Variants in FRMPD1 observed in about 807,000 individuals in gnomAD.
FRMPD1 encodes FERM and PDZ domain-containing protein 1.
Under a neutral mutation model 117.8 loss-of-function variants are expected in FRMPD1, and 76 were observed. That is an observed-to-expected ratio of 0.65 (90% CI 0.54 to 0.78). The LOEUF (loss-of-function observed/expected upper bound fraction) is 0.78. Ranked by LOEUF, FRMPD1 falls within the 30% of genes least tolerant of loss-of-function variation. The pLI, the probability that FRMPD1 is intolerant of heterozygous loss-of-function variation, is 0.00. For missense variants in FRMPD1, 1,786 were observed against 1,964.5 expected (o/e 0.91, Z 1.72); for synonymous variants, 783 against 770.4 (o/e 1.02, Z -0.27).
intron 1 of FRMPD1, among the ~76,000 whole-genome samples, chr9:37,691,052 C>A (rs1038913179): frequency 2.0e-5 from 3 of 152,220 alleles, no homozygotes; most frequent in African/African-American, 7.2e-5. Flanking sequence ...ACATGAACTT[C>A]AGGAACACAT....
chr9:37,711,170 C>T (rs188391407), intron 4 of FRMPD1, among the ~76,000 whole-genome samples, 180 bp from the exon 5 acceptor site: 2 of 152,208 alleles, frequency 1.3e-5, no homozygotes, highest in East Asian at 3.9e-4. Flanking sequence ...CAGGTTGCTG[C>T]ATTTCCCAAT....
At chr9:37,721,102 G>C (rs373481769) in intron 6 of FRMPD1, among the ~76,000 whole-genome samples, 19 of 152,208 alleles carry the variant, frequency 1.2e-4, no homozygotes, top group African/African-American at 4.3e-4. Flanking sequence ...ACTTTCACCT[G>C]AACTGGCTAC....
chr9:37,697,705 T>C (rs917039971), intron 2 of FRMPD1, among the ~76,000 whole-genome samples: 5 of 152,272 alleles, frequency 3.3e-5, no homozygotes, highest in African/African-American at 1.2e-4. Context: ...CATCATAAAC[T>C]AATTAATTTT....
chr9:37,652,195 G>A (rs559488181), intron 1 of FRMPD1, among the ~76,000 whole-genome samples: 30 of 152,292 alleles, frequency 2.0e-4, no homozygotes, highest in Admixed American at 1.0e-3. Flanking sequence ...TAGGGGTCCT[G>A]ACCTAGAGGC....
chr9:37,684,424 T>C (rs1251643913), intron 1 of FRMPD1, among the ~76,000 whole-genome samples: 1 of 152,254 alleles, frequency 6.6e-6, no homozygotes, highest in East Asian at 1.9e-4. Context: ...AGCATAGTTG[T>C]GTTACTGATA....
At chr9:37,741,046 G>T in intron 15 of FRMPD1, 162 bp downstream of exon 15, 1 of 622,372 alleles carries the variant, frequency 1.6e-6, no homozygotes, top group Non-Finnish European at 2.9e-6. Flanking sequence ...CAAATTTTAG[G>T]CATCGTGGCA....
At chr9:37,683,715 G>C (rs1486725266) in intron 1 of FRMPD1, among the ~76,000 whole-genome samples, 7 of 151,492 alleles carry the variant, frequency 4.6e-5, no homozygotes, top group African/African-American at 1.7e-4. Context: ...AGGCTTTGGG[G>C]GGAATGACAG....
chr9:37,681,855 C>A (rs1302451083), intron 1 of FRMPD1, among the ~76,000 whole-genome samples: 1 of 152,150 alleles, frequency 6.6e-6, no homozygotes, highest in African/African-American at 2.4e-5. Flanking sequence ...ATCTGAGGGA[C>A]AGAAAACAAG....
At chr9:37,726,123 A>G (rs560108006) in intron 7 of FRMPD1, among the ~76,000 whole-genome samples, 124 of 152,326 alleles carry the variant, frequency 8.1e-4, no homozygotes, top group Non-Finnish European at 1.1e-3. Flanking sequence ...GGTTAATCTT[A>G]TTTATCTGTA....
intron 2 of FRMPD1, among the ~76,000 whole-genome samples, chr9:37,694,121 T>C (rs1822241737): frequency 6.6e-6 from 1 of 152,180 alleles, no homozygotes; most frequent in African/African-American, 2.4e-5. Flanking sequence ...TAGTGCCTGA[T>C]GAATGAATGG....
intron 1 of FRMPD1, among the ~76,000 whole-genome samples, chr9:37,685,888 A>G (rs1186463755): frequency 2.6e-5 from 4 of 152,316 alleles, no homozygotes; most frequent in South Asian, 2.1e-4. Context: ...TCATTTCTCA[A>G]TAGCTTGTGC....
chr9:37,722,865 T>C (rs1438290660), intron 6 of FRMPD1, among the ~76,000 whole-genome samples: 2 of 152,170 alleles, frequency 1.3e-5, no homozygotes, highest in Non-Finnish European at 2.9e-5. Context: ...GCCATGCTGG[T>C]GTGCTGCACC....
chr9:37,682,426 G>A (rs1821761149), intron 1 of FRMPD1, among the ~76,000 whole-genome samples: 1 of 152,222 alleles, frequency 6.6e-6, no homozygotes, highest in Non-Finnish European at 1.5e-5. Context: ...GGGATCCCTG[G>A]AAGACTTAAG....
At position 37,733,573 on chromosome 9, in the gene FRMPD1, C is replaced by G. The variant is rs1823987838; in HGVS notation, c.1096C>G (p.Gln366Glu). 2.0e-5 allele frequency: 32 copies of G among 1,613,842 alleles called. No homozygotes were observed. Among genetic ancestry groups the G allele is most frequent in the Non-Finnish European group, 2.7e-5 (32 of 1,179,926 alleles). ...KAISFHMKRN[Q>E]NLLEPRQKQL... is the part of the protein sequence containing the mutation. ...CATTAGCTTCCACATGAAGAGGAACCAGAATTTGCTGGAACCCCGACAGAA... is the reference window on the plus strand; with the variant it reads ...CATTAGCTTCCACATGAAGAGGAACGAGAATTTGCTGGAACCCCGACAGAA... Residue 366 changes from glutamine to glutamate, a missense_variant, in exon 11 of 16, where the codon CAG becomes GAG. Physicochemically the swap from Gln to Glu is conservative, Grantham distance 29. Coordinates refer to ENST00000377765, the MANE Select transcript of FRMPD1 (RefSeq NM_014907.3).
At chr9:37,650,644 T>C (rs1434046168), upstream of FRMPD1, among the ~76,000 whole-genome samples, 3 of 152,082 alleles carry the variant, frequency 2.0e-5, no homozygotes, top group Non-Finnish European at 4.4e-5. Flanking sequence ...CTGGTCCGGG[T>C]GACCTTGGGG....
chr9:37,686,859 G>C (rs1821966611), intron 1 of FRMPD1, among the ~76,000 whole-genome samples: 1 of 152,162 alleles, frequency 6.6e-6, no homozygotes, highest in South Asian at 2.1e-4. Flanking sequence ...TAAGAATGTA[G>C]AGGTCAGACA....
In FRMPD1 at chr9:37,711,359, A is replaced by G. The variant is rs1342046861; in HGVS notation, c.372A>G (p.Glu124=). The G allele has an allele frequency of 6.2e-7, 1 of 1,608,572 alleles. No individual in the cohort carries two copies. The highest frequency in any genetic ancestry group is 1.7e-5 in the Admixed American group (1 of 60,020). ...TTCTTTCTTTTTTCAGGGAAGCAGAAGATTCTCTTTCAATCACAGTTGTTC... is the reference window on the plus strand; with the variant it reads ...TTCTTTCTTTTTTCAGGGAAGCAGAGGATTCTCTTTCAATCACAGTTGTTC... ...ERAVDILREA[E]DSLSITVVRC... The change falls in exon 5 of 16, where the codon GAA becomes GAG. Residue 124 remains glutamate (E), a synonymous_variant. Coordinates refer to ENST00000377765, the MANE Select transcript of FRMPD1 (RefSeq NM_014907.3).
chr9:37,731,056 G>A lies in FRMPD1; in HGVS notation c.811G>A (p.Asp271Asn). 6.2e-7 allele frequency: 1 copy of A among 1,613,652 alleles called. No individual in the cohort carries two copies. The highest frequency in any genetic ancestry group is 8.5e-7 in the Non-Finnish European group (1 of 1,179,572). The change falls in exon 9 of 16, where the codon GAC becomes AAC. Residue 271 changes from aspartate to asparagine, a missense_variant. Asp to Asn is a conservative substitution (Grantham distance 23, BLOSUM62 1). Coordinates refer to ENST00000377765, the MANE Select transcript of FRMPD1 (RefSeq NM_014907.3). The part of the protein sequence containing the change: ...RVCFVPKDPL[D>N]LLKEDPVAFE... Reference sequence around the variant, plus strand: ...CTGTTTTGTTCCCAAGGACCCCCTGGACCTCCTGAAAGAAGACCCCGTGGC... The same window carrying A: ...CTGTTTTGTTCCCAAGGACCCCCTGAACCTCCTGAAAGAAGACCCCGTGGC...
rs780352243 is a variant in FRMPD1 at position 37,733,787 on chromosome 9, A to G, written c.1180A>G (p.Lys394Glu). 2 of 1,603,718 alleles carry G rather than the reference A, an allele frequency of 1.2e-6. No homozygotes were observed. The highest frequency in any genetic ancestry group is 1.7e-6 in the Non-Finnish European group (2 of 1,170,548). The change falls in exon 12 of 16, where the codon AAG becomes GAG. Residue 394 changes from lysine to glutamate, a missense_variant. Transcript: ENST00000377765. ...TTATCTACAGATCCTCGGAGAACTCAAGACATATGGTGGAAGAATCTTTAA... is the reference window on the plus strand; with the variant it reads ...TTATCTACAGATCCTCGGAGAACTCGAGACATATGGTGGAAGAATCTTTAA... ...LNYLQILGEL[K>E]TYGGRIFNAT... is the part of the protein sequence containing the mutation.
Sources: gnomAD v4.1 joint callset for allele counts (sites outside exome capture counted in the v4.1 genomes callset) on GRCh38, gnomAD v4.1.1 for gene constraint, MANE v1.5 for transcripts, NCBI Gene and HGNC (gene_info 2026-07-23, HGNC 2026-07-21) for gene names.